Variants in GIMAP8 observed in about 807,000 individuals in gnomAD.
GIMAP8 encodes GTPase IMAP family member 8.
A neutral mutation model predicts 35.6 loss-of-function variants in GIMAP8; 29 were observed. That is an observed-to-expected ratio of 0.81 (90% CI 0.61 to 1.11). GIMAP8 has a LOEUF of 1.11. Among genes scored for constraint, GIMAP8 ranks in the 50% most tolerant of loss-of-function variants. The pLI is 0.00. For missense variants in GIMAP8, 811 were observed against 805.0 expected, an observed-to-expected ratio of 1.01 and a Z score of -0.09; for synonymous variants, 335 against 308.7, an observed-to-expected ratio of 1.09 and a Z score of -0.89.
chr7:150,475,963 T>C (rs371608883), intron 4 of GIMAP8, among the ~76,000 whole-genome samples: 23 of 152,252 alleles, frequency 1.5e-4, no homozygotes, highest in East Asian at 1.3e-3. Context: ...TCCAAGAACA[T>C]TGAAGATTAA....
rs553688898 is a variant in GIMAP8, at chr7:150,478,264, C to T, written c.*484C>T. ...AGAGGGCCTCCCTGTTGTCCAGGGC[C>T]GTTGGCTCCCTGAGCTCTCCTGTCT... On this transcript the variant is annotated 3_prime_UTR_variant, in exon 5 of 5. Transcript: ENST00000307271. 1.1e-4 allele frequency: 17 copies of T among 160,972 alleles called. No homozygotes were observed. The South Asian group carries it at 2.0e-3, about 19-fold the overall frequency. 10.0% of individuals were successfully genotyped at this position (160,972 alleles called of 1,614,324 possible).
chr7:150,459,165 C>T (rs1451768782), intron 1 of GIMAP8, among the ~76,000 whole-genome samples: 1 of 152,206 alleles, frequency 6.6e-6, no homozygotes, highest in Non-Finnish European at 1.5e-5. Context: ...GACGTGGCTA[C>T]ACTAAGAGAT....
chr7:150,453,483 A>C (rs1437885397), intron 1 of GIMAP8, among the ~76,000 whole-genome samples: 2 of 152,218 alleles, frequency 1.3e-5, no homozygotes, highest in Non-Finnish European at 2.9e-5. Flanking sequence ...CATTCCCTGC[A>C]GTGCAGCCTC....
chr7:150,469,198 T>G (rs771719225), intron 2 of GIMAP8, among the ~76,000 whole-genome samples: 2 of 152,144 alleles, frequency 1.3e-5, no homozygotes, highest in East Asian at 3.8e-4. Flanking sequence ...CTCCTGAGCC[T>G]CAAGCCTGTG....
Position 150,451,438 on chromosome 7 carries a change from T to C in GIMAP8, c.-29+263T>C, listed in dbSNP as rs1313059070. Among the ~76,000 whole-genome samples the C allele has an allele frequency of 6.6e-6, 1 of 152,144 alleles. No homozygotes were observed. The highest frequency in any genetic ancestry group is 2.4e-5 in the African/African-American group (1 of 41,428). ...CAGGGGCCCTGGGAAGCTTTCCTCCTGGTCCAAAGCGTGTCTCCCCAGCCT... is the reference window on the plus strand; with the variant it reads ...CAGGGGCCCTGGGAAGCTTTCCTCCCGGTCCAAAGCGTGTCTCCCCAGCCT... On this transcript the variant is annotated intron_variant, in intron 1 of 4. Transcript: ENST00000307271. The surrounding 1 kb of genome is among the most constrained non-coding windows in gnomAD (Gnocchi z 4.1).
intron 1 of GIMAP8, among the ~76,000 whole-genome samples, chr7:150,456,863 T>C (rs1433020344): frequency 1.3e-5 from 2 of 152,216 alleles, no homozygotes; most frequent in East Asian, 1.9e-4. Flanking sequence ...AAGTTCTAAA[T>C]TGTGTAAGAA....
intron 1 of GIMAP8, among the ~76,000 whole-genome samples, chr7:150,455,306 C>T (rs1362503355): frequency 6.6e-6 from 1 of 152,152 alleles, no homozygotes; most frequent in Non-Finnish European, 1.5e-5. Context: ...TTTAAAAGTC[C>T]TATACCAGAT....
At position 150,477,453 on chromosome 7, in the gene GIMAP8, G is replaced by T. The variant is rs557029400; in HGVS notation, c.1671G>T (p.Thr557=). Residue 557 remains threonine, a synonymous_variant, in exon 5 of 5, where the codon ACG becomes ACT. Coordinates refer to ENST00000307271, the MANE Select transcript of GIMAP8 (RefSeq NM_175571.4). The part of the protein sequence containing the change: ...KLEAIFGADF[T]KYAIMLFTRK... ...AGGCCATCTTTGGAGCAGACTTTAC[G>T]AAATACGCGATTATGCTGTTCACCC... 1 of 1,613,704 alleles carries T rather than the reference G, an allele frequency of 6.2e-7. No individual in the cohort carries two copies. The highest frequency in any genetic ancestry group is 1.1e-5 in the South Asian group (1 of 91,086).
chr7:150,466,563 A>C, intron 1 of GIMAP8, 108 bp from the exon 2 acceptor site: 1 of 958,486 alleles, frequency 1.0e-6, no homozygotes, highest in Non-Finnish European at 1.5e-6. Flanking sequence ...CAGTAGCTCA[A>C]ATTCATTGGC....
rs747888108 is a variant in GIMAP8 at position 150,474,486 on chromosome 7, A to G, written c.1157A>G (p.Tyr386Cys). 16 of 1,613,988 alleles carry G rather than the reference A, an allele frequency of 9.9e-6. No homozygotes were observed. The highest frequency in any genetic ancestry group is 2.2e-5 in the East Asian group (1 of 44,896). Residue 386 changes from tyrosine (Y) to cysteine (C), a missense_variant, in exon 4 of 5, where the codon TAT becomes TGT. Physicochemically the swap from Tyr to Cys is radical, Grantham distance 194. Transcript: ENST00000307271. ...TTAAGAAACAGCAATAAAGCTCTCT[A>G]TGGTCTCATCCAGAAGTGTAAAAAC... ...TFLRNSNKAL[Y>C]GLIQKCKNRY...
intron 1 of GIMAP8, among the ~76,000 whole-genome samples, chr7:150,452,709 T>TATATATATATACATACAC (rs1373884339): frequency 9.4e-6 from 1 of 106,632 alleles, no homozygotes; most frequent in African/African-American, 3.4e-5. Context: ...TATATATATA[T>TATATATATATACATACAC]ACATGCGAGT....
At chr7:150,453,464 T>C (rs538405369) in intron 1 of GIMAP8, among the ~76,000 whole-genome samples, 1 of 152,134 alleles carries the variant, frequency 6.6e-6, no homozygotes. Context: ...CTTTACTACC[T>C]CCCTGGGTCA....
At position 150,467,140 on chromosome 7, in the gene GIMAP8, A is replaced by G. The variant is rs757105707; in HGVS notation, c.442A>G (p.Ile148Val). The change falls in exon 2 of 5, where the codon ATT becomes GTT. Residue 148 changes from isoleucine (I) to valine (V), a missense_variant. By Grantham distance (29) the Ile-to-Val change is conservative. Transcript: ENST00000307271. ...GGGGGATGACTTGCTGCAAGATTTC[A>G]TTGAAAAAAACAAACCTCTCAAGCA... ...DLGDDLLQDF[I>V]EKNKPLKQLV... is the part of the protein sequence containing the mutation. 3.7e-6 allele frequency: 6 copies of G among 1,614,200 alleles called. No homozygotes were observed. Among genetic ancestry groups the G allele is most frequent in the Non-Finnish European group, 4.2e-6 (5 of 1,180,038 alleles).
chr7:150,451,933 C>T lies in GIMAP8; in HGVS notation c.-29+758C>T, dbSNP rs1451018888. Among the ~76,000 whole-genome samples, 1 of 152,200 alleles carries T rather than the reference C, an allele frequency of 6.6e-6. No individual in the cohort carries two copies. The highest frequency in any genetic ancestry group is 2.4e-5 in the African/African-American group (1 of 41,436). On this transcript the variant is annotated intron_variant, in intron 1 of 4. Transcript: ENST00000307271. This position sits in a 1 kb window ranked among gnomAD's most constrained non-coding sequence, Gnocchi z 4.1. Reference sequence around the variant, plus strand: ...GGCTGGGTCTAAGGTCTTCCCCACGCTGGGCTCTGGAGGCATCTCCAACCA... The same window carrying T: ...GGCTGGGTCTAAGGTCTTCCCCACGTTGGGCTCTGGAGGCATCTCCAACCA...
intron 2 of GIMAP8, among the ~76,000 whole-genome samples, chr7:150,467,857 T>G (rs1439043899): frequency 6.6e-6 from 1 of 152,208 alleles, no homozygotes; most frequent in African/African-American, 2.4e-5. Context: ...GTAGTAACTC[T>G]AGTCCAAATC....
chr7:150,469,881 AGTTCT>A (rs1802050465), intron 2 of GIMAP8, among the ~76,000 whole-genome samples: 1 of 152,258 alleles, frequency 6.6e-6, no homozygotes. Context: ...AGAATGATGT[AGTTCT>A]GTCTATATTG....
intron 1 of GIMAP8, among the ~76,000 whole-genome samples, chr7:150,465,852 A>G (rs1042236544): frequency 6.6e-6 from 1 of 152,236 alleles, no homozygotes; most frequent in African/African-American, 2.4e-5. Flanking sequence ...GGAAACTTGC[A>G]AGGTACTTTC....
chr7:150,452,653 A>ATGTGTG (rs1240322026), intron 1 of GIMAP8, among the ~76,000 whole-genome samples: 1 of 123,656 alleles, frequency 8.1e-6, no homozygotes, highest in Non-Finnish European at 1.6e-5. Flanking sequence ...ATGTGTGTAT[A>ATGTGTG]TGTGTGTGTG....
Position 150,466,827 on chromosome 7 carries a change from G to A in GIMAP8, c.129G>A (p.Gln43=), listed in dbSNP as rs866532158. ...TGTTCAAGTCCAAGTTCAGTGATCA[G>A]ACAGTGATCAAAATGTGCCAGAGAG... ...KHVFKSKFSD[Q]TVIKMCQRES... Residue 43 remains glutamine, a synonymous_variant, in exon 2 of 5, where the codon CAG becomes CAA. Coordinates refer to ENST00000307271, the MANE Select transcript of GIMAP8 (RefSeq NM_175571.4). 6.2e-7 allele frequency: 1 copy of A among 1,614,258 alleles called. No individual in the cohort carries two copies. Among genetic ancestry groups the A allele is most frequent in the Non-Finnish European group, 8.5e-7 (1 of 1,180,036 alleles).
Sources: allele counts gnomAD v4.1 joint callset (sites outside exome capture counted in the v4.1 genomes callset), GRCh38; gene constraint gnomAD v4.1.1; non-coding constraint Gnocchi (gnomAD v3.1); transcripts MANE v1.5; gene names NCBI Gene and HGNC (gene_info 2026-07-23, HGNC 2026-07-21).